PARD3B: variants seen among roughly 807,000 people sequenced by gnomAD.
The protein encoded by PARD3B is partitioning defective 3 homolog B.
In PARD3B, 103 loss-of-function variants were observed where a neutral mutation model predicts 130.2. The observed-to-expected ratio is 0.79, with a 90% CI of 0.67 to 0.93. PARD3B has a LOEUF of 0.93. Ranked by LOEUF, PARD3B falls within the 40% of genes least tolerant of loss-of-function variation. The pLI is 0.00. For missense variants in PARD3B, 1,609 were observed against 1,499.2 expected (o/e 1.07, Z -1.21); for synonymous variants, 583 against 553.2 (o/e 1.05, Z -0.76).
At position 205,116,159 on chromosome 2, in the gene PARD3B, T is replaced by A. The variant is rs1170359083; in HGVS notation, c.680+2582T>A. 5.9e-5 allele frequency among the ~76,000 whole-genome samples: 9 copies of A among 152,206 alleles called. No homozygotes were observed. The highest frequency in any genetic ancestry group is 1.2e-4 in the Non-Finnish European group (8 of 68,030). On this transcript the variant is annotated intron_variant, in intron 6 of 22. Coordinates refer to ENST00000406610, the MANE Select transcript of PARD3B (RefSeq NM_001302769.2). This position sits in a 1 kb window ranked among gnomAD's most constrained non-coding sequence, Gnocchi z 4.5. The stretch of plus-strand genomic sequence containing the variant: ...GCAAACATAAAAAAAACACCAAAGT[T>A]CTTGCAACTAAAATGCAACTTAATT...
At position 205,446,077 on chromosome 2, in the gene PARD3B, C is replaced by T. The variant is rs997182550; in HGVS notation, c.3044+5405C>T. Among the ~76,000 whole-genome samples the T allele has an allele frequency of 2.0e-5, 3 of 152,030 alleles. No individual in the cohort carries two copies. The highest frequency in any genetic ancestry group is 4.8e-5 in the African/African-American group (2 of 41,376). On this transcript the variant is annotated intron_variant, in intron 20 of 22. Coordinates refer to ENST00000406610, the MANE Select transcript of PARD3B (RefSeq NM_001302769.2). The surrounding 1 kb of genome is among the most constrained non-coding windows in gnomAD (Gnocchi z 4.4). ...GTAAGTGCAGGGTACTGTTTGGGGCCAGGCAGCAAGGGTGAAAACAGAGGG... is the reference window on the plus strand; with the variant it reads ...GTAAGTGCAGGGTACTGTTTGGGGCTAGGCAGCAAGGGTGAAAACAGAGGG...
chr2:205,375,226 A>G (rs1027928885), intron 18 of PARD3B, among the ~76,000 whole-genome samples: 25 of 152,208 alleles, frequency 1.6e-4, no homozygotes, highest in African/African-American at 5.3e-4. Context: ...TATGGATAAA[A>G]ATTATTTAAC....
chr2:205,306,659 T>A (rs2042194052), intron 18 of PARD3B, among the ~76,000 whole-genome samples: 1 of 152,214 alleles, frequency 6.6e-6, no homozygotes, highest in Non-Finnish European at 1.5e-5. Flanking sequence ...CACCTCGGGC[T>A]TTGTTTCTTT....
intron 3 of PARD3B, among the ~76,000 whole-genome samples, chr2:205,034,292 A>G (rs1411838342): frequency 8.5e-5 from 13 of 152,198 alleles, no homozygotes; most frequent in Admixed American, 7.9e-4. Context: ...TTGCCATCAA[A>G]CAGCTTACAA....
chr2:204,722,517 A>AT (rs903644284), intron 2 of PARD3B, among the ~76,000 whole-genome samples: 2 of 152,038 alleles, frequency 1.3e-5, no homozygotes, highest in Non-Finnish European at 1.5e-5. Context: ...CCATTGCTCA[A>AT]TTTTTTTCCT....
intron 15 of PARD3B, among the ~76,000 whole-genome samples, chr2:205,239,419 C>CA: frequency 6.6e-6 from 1 of 152,268 alleles, no homozygotes; most frequent in East Asian, 1.9e-4. Context: ...TTTATTCTAA[C>CA]AAATATGTCA....
In PARD3B at chr2:204,561,250, G is replaced by A. The variant is rs112802621; in HGVS notation, c.120+15131G>A. ...ATTCAAGGTTGGGATTAGAGGGCAG[G>A]TGTGGGAACAACCTGGTGCTCAGAA... On this transcript the variant is annotated intron_variant, in intron 1 of 22. Coordinates refer to ENST00000406610, the MANE Select transcript of PARD3B (RefSeq NM_001302769.2). 9.0e-3 allele frequency among the ~76,000 whole-genome samples: 1,371 copies of A among 152,286 alleles called. 22 individuals carry two copies. Among genetic ancestry groups the A allele is most frequent in the African/African-American group, 0.032 (1,331 of 41,552 alleles).
intron 2 of PARD3B, among the ~76,000 whole-genome samples, chr2:204,948,082 T>A (rs1689478363): frequency 6.6e-6 from 1 of 152,222 alleles, no homozygotes. Context: ...GTAGGATGAC[T>A]TCCAATACAT....
chr2:205,495,937 A>G (rs1233625213), intron 20 of PARD3B, among the ~76,000 whole-genome samples: 1 of 151,888 alleles, frequency 6.6e-6, no homozygotes, highest in Non-Finnish European at 1.5e-5. Context: ...AAACTCATGT[A>G]CAATTCCTAT....
At chr2:205,441,517 G>C (rs149106358) in intron 20 of PARD3B, among the ~76,000 whole-genome samples, 1 of 152,256 alleles carries the variant, frequency 6.6e-6, no homozygotes, top group African/African-American at 2.4e-5. Flanking sequence ...GAGGTGGTGG[G>C]GAAGAAGGGT....
chr2:205,301,797 C>T lies in PARD3B; in HGVS notation c.2630+96C>T. Reference sequence around the variant, plus strand: ...TACTCAGAAAAAAGCGCACGCTTTTCCTCGTCTTCAGCCAAATGCATACGG... The same window carrying T: ...TACTCAGAAAAAAGCGCACGCTTTTTCTCGTCTTCAGCCAAATGCATACGG... On this transcript the variant is annotated intron_variant, in intron 18 of 22. Transcript: ENST00000406610. The surrounding 1 kb of genome is among the most constrained non-coding windows in gnomAD (Gnocchi z 5.2). The T allele has an allele frequency of 1.3e-6, 2 of 1,574,804 alleles. No individual in the cohort carries two copies. The highest frequency in any genetic ancestry group is 1.7e-6 in the Non-Finnish European group (2 of 1,144,236).
chr2:205,451,175 A>G (rs1324627567), intron 20 of PARD3B, among the ~76,000 whole-genome samples: 3 of 152,162 alleles, frequency 2.0e-5, no homozygotes, highest in East Asian at 1.9e-4. Flanking sequence ...TTCATGTTGC[A>G]TCATGATTCC....
intron 15 of PARD3B, among the ~76,000 whole-genome samples, chr2:205,210,598 G>A (rs2037575980): frequency 6.6e-6 from 1 of 151,896 alleles, no homozygotes; most frequent in South Asian, 2.1e-4. Flanking sequence ...ATTTCTATAC[G>A]TGTACTCCCC....
chr2:205,352,599 A>C lies in PARD3B; in HGVS notation c.2631-48414A>C, dbSNP rs1211364873. Among the ~76,000 whole-genome samples, 2 of 152,194 alleles carry C rather than the reference A, an allele frequency of 1.3e-5. No homozygotes were observed. The highest frequency in any genetic ancestry group is 2.9e-5 in the Non-Finnish European group (2 of 68,046). On this transcript the variant is annotated intron_variant, in intron 18 of 22. Transcript: ENST00000406610. This position sits in a 1 kb window ranked among gnomAD's most constrained non-coding sequence, Gnocchi z 5.2. The stretch of plus-strand genomic sequence containing the variant: ...ATTTCACGAGAAATAGAAGGCACGA[A>C]ATAACCATTTTGGAGCAGATACACA...
At chr2:204,874,596 T>A (rs1340638454) in intron 2 of PARD3B, among the ~76,000 whole-genome samples, 1 of 152,132 alleles carries the variant, frequency 6.6e-6, no homozygotes, top group African/African-American at 2.4e-5. Flanking sequence ...AAAATCGAGG[T>A]ATAATTGACC....
At chr2:205,422,012 C>T (rs150474639) in intron 19 of PARD3B, among the ~76,000 whole-genome samples, 23 of 152,210 alleles carry the variant, frequency 1.5e-4, no homozygotes, top group African/African-American at 3.6e-4. Context: ...CAAACAAGGA[C>T]GCTGCTTCCA....
At chr2:204,874,595 G>A (rs968427137) in intron 2 of PARD3B, among the ~76,000 whole-genome samples, 1 of 151,996 alleles carries the variant, frequency 6.6e-6, no homozygotes, top group African/African-American at 2.4e-5. Flanking sequence ...AAAAATCGAG[G>A]TATAATTGAC....
At chr2:204,945,069 A>G (rs1027723298) in intron 2 of PARD3B, among the ~76,000 whole-genome samples, 16 of 152,242 alleles carry the variant, frequency 1.1e-4, no homozygotes, top group Admixed American at 3.3e-4. Context: ...TTTACATCAG[A>G]AAAAGATTTA....
At chr2:205,032,433 G>A (rs73054977) in intron 3 of PARD3B, among the ~76,000 whole-genome samples, 1 of 152,066 alleles carries the variant, frequency 6.6e-6, no homozygotes, top group Non-Finnish European at 1.5e-5. Context: ...TAATGTAAAA[G>A]GTGCCTGAGG....
Sources: allele counts gnomAD v4.1 joint callset (sites outside exome capture counted in the v4.1 genomes callset), GRCh38; gene constraint gnomAD v4.1.1; non-coding constraint Gnocchi (gnomAD v3.1); transcripts MANE v1.5; gene names NCBI Gene and HGNC (gene_info 2026-07-23, HGNC 2026-07-21).